Variants in ZFYVE26 observed in about 807,000 individuals in gnomAD.
ZFYVE26 encodes the protein zinc finger FYVE domain-containing protein 26.
In ZFYVE26, 181 loss-of-function variants were observed where a neutral mutation model predicts 276.5. The ratio of observed to expected loss-of-function variants is 0.65; its 90% CI spans 0.58 to 0.74. The LOEUF is 0.74. Among genes scored for constraint, ZFYVE26 ranks in the 30% least tolerant of loss-of-function variants. ZFYVE26 has a pLI of 0.00. For synonymous variants in ZFYVE26, 1,129 were observed against 1,203.1 expected, an observed-to-expected ratio of 0.94 and a Z score of 1.27; for missense variants, 2,821 against 3,097.9, an observed-to-expected ratio of 0.91 and a Z score of 2.12.
intron 27 of ZFYVE26, among the ~76,000 whole-genome samples, chr14:67,774,790 G>A (rs1420538074): frequency 6.6e-6 from 1 of 152,158 alleles, no homozygotes; most frequent in Non-Finnish European, 1.5e-5. Context: ...GGATTTGCTG[G>A]TTCAGTGTGG....
intron 16 of ZFYVE26, 133 bp from the exon 17 acceptor site, chr14:67,786,366 A>G: frequency 1.7e-6 from 2 of 1,164,742 alleles, no homozygotes; most frequent in Non-Finnish European, 2.4e-6. Flanking sequence ...ATGCTGTGCC[A>G]TTTTGGGTGA....
At chr14:67,746,060 T>C (rs148871243), downstream of ZFYVE26, among the ~76,000 whole-genome samples, 354 of 151,212 alleles carry the variant, frequency 2.3e-3, 2 homozygotes, top group Admixed American at 4.7e-3. Flanking sequence ...GCATAATCTG[T>C]AGTGGCGAAA....
intron 35 of ZFYVE26, among the ~76,000 whole-genome samples, chr14:67,757,403 C>T (rs569974499): frequency 6.6e-6 from 1 of 152,342 alleles, no homozygotes; most frequent in African/African-American, 2.4e-5. Context: ...GCTCTAGCCA[C>T]CCTGGCCTTT....
chr14:67,756,224 C>T (rs2038776897), intron 35 of ZFYVE26, 79 bp from the exon 36 acceptor site: 1 of 1,452,602 alleles, frequency 6.9e-7, no homozygotes, highest in African/African-American at 1.4e-5. Context: ...GAATTTCCTT[C>T]TATTGATGAA....
At chr14:67,785,327 C>T in intron 18 of ZFYVE26, 50 bp from the exon 19 acceptor site, 2 of 1,512,642 alleles carry the variant, frequency 1.3e-6, no homozygotes, top group South Asian at 1.2e-5. Context: ...TCTGTGAGTC[C>T]AGCTTTGGGT....
intron 32 of ZFYVE26, 22 bp from the exon 33 acceptor site, chr14:67,762,841 G>A (rs1327613466): frequency 1.5e-5 from 25 of 1,613,076 alleles, no homozygotes; most frequent in Non-Finnish European, 2.1e-5. Flanking sequence ...AAAAGGGCAA[G>A]GCCATGAGGC....
intron 41 of ZFYVE26, among the ~76,000 whole-genome samples, chr14:67,749,392 G>A (rs1212981316): frequency 6.6e-6 from 1 of 152,108 alleles, no homozygotes; most frequent in Non-Finnish European, 1.5e-5. Context: ...ATGCGTATGT[G>A]TCTATGTCCC....
intron 8 of ZFYVE26, 64 bp downstream of exon 8, chr14:67,805,153 A>G: frequency 6.6e-7 from 1 of 1,512,842 alleles, no homozygotes. Context: ...AAATGGCCAC[A>G]CATGCGGAGC....
Position 67,814,427 on chromosome 14 carries a change from G to A in ZFYVE26, c.195-363C>T, listed in dbSNP as rs559918040. On this transcript the variant is annotated intron_variant, in intron 2 of 41. Transcript: ENST00000347230. The stretch of plus-strand genomic sequence containing the variant: ...CCAGCTACTCGGGAGGCTGAGGCAG[G>A]AGAATCGCTTGAACCTGGGAGGCGG... Among the ~76,000 whole-genome samples the A allele has an allele frequency of 6.6e-5, 10 of 152,280 alleles. No homozygotes were observed. The East Asian group carries it at 1.7e-3, about 26-fold the overall frequency.
intron 29 of ZFYVE26, among the ~76,000 whole-genome samples, 163 bp from the exon 30 acceptor site, chr14:67,768,711 A>G (rs1185592106): frequency 6.6e-6 from 1 of 152,180 alleles, no homozygotes; most frequent in African/African-American, 2.4e-5. Context: ...CTAACTGCCC[A>G]TTTCAAATCT....
chr14:67,804,598 A>G (rs966334971), intron 8 of ZFYVE26, among the ~76,000 whole-genome samples: 1 of 152,188 alleles, frequency 6.6e-6, no homozygotes, highest in Non-Finnish European at 1.5e-5. Context: ...CTGTACTTTG[A>G]GTAAGAGCCC....
In ZFYVE26 at chr14:67,729,204, C is replaced by T. The variant is rs2038231853; in HGVS notation, n.3288+7G>A. 3.1e-6 allele frequency: 5 copies of T among 1,612,732 alleles called. No homozygotes were observed. Among genetic ancestry groups the T allele is most frequent in the Non-Finnish European group, 4.2e-6 (5 of 1,180,006 alleles). ...TCTTTGTCCCAGGCACCGGGGTCAC[C>T]ACCTACGCAGTGCACCCAGGCGTCG... On this transcript the variant is annotated splice_region_variant and intron_variant and non_coding_transcript_variant, in intron 14 of 14. Transcript: ENST00000394455.
At chr14:67,797,863 A>C (rs2039989262) in intron 11 of ZFYVE26, 108 bp from the exon 12 acceptor site, 1 of 1,570,520 alleles carries the variant, frequency 6.4e-7, no homozygotes, top group East Asian at 2.2e-5. Context: ...TGAGACATGG[A>C]GCATACCCCA....
At chr14:67,795,153 G>A (rs959269989) in intron 12 of ZFYVE26, among the ~76,000 whole-genome samples, 2 of 152,164 alleles carry the variant, frequency 1.3e-5, no homozygotes, top group African/African-American at 4.8e-5. Flanking sequence ...TCAGTTCACT[G>A]TTTGGAAGCC....
chr14:67,790,848 G>A, intron 14 of ZFYVE26, 75 bp from the exon 15 acceptor site: 1 of 1,387,848 alleles, frequency 7.2e-7, no homozygotes, highest in Non-Finnish European at 1.0e-6. Flanking sequence ...AGGAGATCTT[G>A]CCAACCATTA....
Position 67,762,408 on chromosome 14 carries a change from G to T in ZFYVE26, c.6164C>A (p.Ser2055Tyr). 1 of 1,613,268 alleles carries T rather than the reference G, an allele frequency of 6.2e-7. No homozygotes were observed. The highest frequency in any genetic ancestry group is 8.5e-7 in the Non-Finnish European group (1 of 1,179,612). ...GGTGGTATCAAGCCCAGTCTTTGTGGAGACCTGGGAGAAAAATTGCCCCTT... is the reference window on the plus strand; with the variant it reads ...GGTGGTATCAAGCCCAGTCTTTGTGTAGACCTGGGAGAAAAATTGCCCCTT... ...AEYYQLGVEV[S>Y]TKTGLDTTGA... Residue 2055 changes from serine (S) to tyrosine (Y), a missense_variant, in exon 34 of 42, where the codon TCC becomes TAC. Coordinates refer to ENST00000347230, the MANE Select transcript of ZFYVE26 (RefSeq NM_015346.4).
chr14:67,792,132 A>C (rs1360062269), intron 14 of ZFYVE26, among the ~76,000 whole-genome samples: 2 of 151,984 alleles, frequency 1.3e-5, no homozygotes, highest in Admixed American at 1.3e-4. Flanking sequence ...TCATAATTAT[A>C]ATTATCATTA....
rs564534357 is a variant in ZFYVE26 at position 67,805,981 on chromosome 14, C to T, written c.1018-363G>A. Among the ~76,000 whole-genome samples the T allele has an allele frequency of 2.0e-5, 3 of 152,252 alleles. No homozygotes were observed. In the South Asian group the frequency reaches 6.2e-4, roughly 32 times the overall value. ...GGCAGAGGTTGCAATGAGCCGAGATCGCGCCACTCCACTCCAGCCTGGGTG... is the reference window on the plus strand; with the variant it reads ...GGCAGAGGTTGCAATGAGCCGAGATTGCGCCACTCCACTCCAGCCTGGGTG... On this transcript the variant is annotated intron_variant, in intron 6 of 41. Coordinates refer to ENST00000347230, the MANE Select transcript of ZFYVE26 (RefSeq NM_015346.4).
chr14:67,756,160 G>T lies in ZFYVE26; in HGVS notation c.6589-15C>A, dbSNP rs1352426689. On this transcript the variant is annotated splice_polypyrimidine_tract_variant and intron_variant, in intron 35 of 41. Coordinates refer to ENST00000347230, the MANE Select transcript of ZFYVE26 (RefSeq NM_015346.4). ...GGAGGACTCTCCTGGAGCAGGGCAGGGCGAGAAGTCAGAAGTCTTGAGCCT... is the reference window on the plus strand; with the variant it reads ...GGAGGACTCTCCTGGAGCAGGGCAGTGCGAGAAGTCAGAAGTCTTGAGCCT... The T allele has an allele frequency of 1.2e-6, 2 of 1,613,806 alleles. No homozygotes were observed. Among genetic ancestry groups the T allele is most frequent in the Admixed American group, 1.7e-5 (1 of 59,996 alleles).
Sources: allele counts gnomAD v4.1 joint callset (sites outside exome capture counted in the v4.1 genomes callset), GRCh38; gene constraint gnomAD v4.1.1; transcripts MANE v1.5; gene names NCBI Gene and HGNC (gene_info 2026-07-23, HGNC 2026-07-21).